Variants in ATP2B2 observed in about 807,000 individuals in gnomAD.
ATP2B2 encodes ATPase plasma membrane Ca2+ transporting 2, also known as plasma membrane calcium-transporting ATPase 2.
In ATP2B2, 15 loss-of-function variants were observed where a neutral mutation model predicts 120.0. The observed-to-expected ratio is 0.12, with a 90% confidence interval of 0.08 to 0.19. The LOEUF is 0.19. Ranked by LOEUF, ATP2B2 falls within the 10% of genes least tolerant of loss-of-function variation. The pLI is 1.00. For synonymous variants in ATP2B2, 694 were observed against 700.3 expected, an observed-to-expected ratio of 0.99 and a Z score of 0.14; for missense variants, 1,045 against 1,719.8, an observed-to-expected ratio of 0.61 and a Z score of 6.94.
chr3:10,577,275 C>T (rs2125554752), intron 2 of ATP2B2, among the ~76,000 whole-genome samples: 1 of 152,240 alleles, frequency 6.6e-6, no homozygotes, highest in Admixed American at 6.5e-5. Context: ...CGCCAAGTTG[C>T]CATAGGGAAT....
intron 1 of ATP2B2, among the ~76,000 whole-genome samples, chr3:10,683,760 G>GTATGTA (rs1553649658): frequency 1.3e-4 from 7 of 53,906 alleles, no homozygotes; most frequent in African/African-American, 3.9e-4. Context: ...GTGTGTGTGT[G>GTATGTA]TATATATATA....
intron 1 of ATP2B2, among the ~76,000 whole-genome samples, chr3:10,627,946 A>G (rs2069751810): frequency 6.6e-6 from 1 of 152,190 alleles, no homozygotes; most frequent in Non-Finnish European, 1.5e-5. Flanking sequence ...ATCCTGGGCC[A>G]GGGTCATCAG....
chr3:10,655,220 G>A (rs929392132), intron 1 of ATP2B2, among the ~76,000 whole-genome samples: 16 of 152,228 alleles, frequency 1.1e-4, no homozygotes, highest in African/African-American at 2.4e-4. Context: ...TCCCTCTGTC[G>A]CTTAACTCTG....
At position 10,622,745 on chromosome 3, in the gene ATP2B2, G is replaced by A. The variant is rs577433774; in HGVS notation, c.-459-2784C>T. ...GAGCATGGCCTGGGGGCCTTGCAGA[G>A]GCTTTAATCAGGATCAGGGCTCAGG... On this transcript the variant is annotated intron_variant, in intron 1 of 21. Coordinates refer to the ATP2B2 transcript ENST00000646379. Among the ~76,000 whole-genome samples, 119 of 152,364 alleles carry A rather than the reference G, an allele frequency of 7.8e-4. 1 individual carries two copies. The highest frequency in any genetic ancestry group is 2.8e-3 in the African/African-American group (118 of 41,586).
At chr3:10,405,308 G>A (rs1299156488) in intron 3 of ATP2B2, among the ~76,000 whole-genome samples, 3 of 152,130 alleles carry the variant, frequency 2.0e-5, no homozygotes, top group Non-Finnish European at 4.4e-5. Context: ...TGCTGCCCTT[G>A]CTGACTCAAT....
At chr3:10,616,067 C>T (rs2069377221) in intron 2 of ATP2B2, among the ~76,000 whole-genome samples, 1 of 152,162 alleles carries the variant, frequency 6.6e-6, no homozygotes, top group East Asian at 1.9e-4. Context: ...CCTCCCTCCC[C>T]CGATCCCACT....
intron 2 of ATP2B2, among the ~76,000 whole-genome samples, chr3:10,440,598 G>T (rs1457129080): frequency 6.6e-6 from 1 of 152,172 alleles, no homozygotes; most frequent in Non-Finnish European, 1.5e-5. Flanking sequence ...AACTGCGTGT[G>T]CTTCCCTCCC....
intron 2 of ATP2B2, among the ~76,000 whole-genome samples, chr3:10,426,661 T>C (rs1424728963): frequency 1.3e-5 from 2 of 152,142 alleles, no homozygotes; most frequent in Non-Finnish European, 2.9e-5. Flanking sequence ...GAACTTTCCA[T>C]TTAGGTGCGC....
At chr3:10,530,956 G>T in intron 3 of ATP2B2, among the ~76,000 whole-genome samples, 1 of 152,196 alleles carries the variant, frequency 6.6e-6, no homozygotes, top group East Asian at 1.9e-4. Context: ...CAGTCTTGGG[G>T]TAAAACATTT....
chr3:10,517,376 G>T (rs2066897651), intron 3 of ATP2B2, among the ~76,000 whole-genome samples: 1 of 152,222 alleles, frequency 6.6e-6, no homozygotes. Context: ...TCTGGGTCCT[G>T]GTCCCAGGGA....
rs1443275332 is a variant in ATP2B2 at position 10,350,104 on chromosome 3, A to T, written c.2404+8T>A. ...CTTCAGGATTGCCCGTGCCCGCCCA[A>T]GTCTTACCTTTAACCAGGGTATGCT... On this transcript the variant is annotated splice_region_variant and intron_variant, in intron 16 of 22. Transcript: ENST00000360273. 1 of 1,613,700 alleles carries T rather than the reference A, an allele frequency of 6.2e-7. No homozygotes were observed. The highest frequency in any genetic ancestry group is 8.5e-7 in the Non-Finnish European group (1 of 1,179,944).
At position 10,659,561 on chromosome 3, in the gene ATP2B2, T is replaced by G. The variant is rs1305078742; in HGVS notation, c.-459-39600A>C. Among the ~76,000 whole-genome samples, 5 of 152,212 alleles carry G rather than the reference T, an allele frequency of 3.3e-5. No individual in the cohort carries two copies. In the South Asian group the frequency reaches 6.2e-4, roughly 19 times the overall value. On this transcript the variant is annotated intron_variant, in intron 1 of 21. Transcript: ENST00000646379. ...AAGAGCTAACTATCCTAAATATATA[T>G]GCACCCAATACAGGAGCACCCAGAT...
chr3:10,394,693 G>C (rs2061975752), intron 5 of ATP2B2: 2 of 390,288 alleles, frequency 5.1e-6, no homozygotes, highest in Non-Finnish European at 1.1e-5. Context: ...CAGGTCCTGG[G>C]ATGTGGGCAG....
chr3:10,361,707 T>C (rs571477909), intron 12 of ATP2B2, among the ~76,000 whole-genome samples: 1 of 152,348 alleles, frequency 6.6e-6, no homozygotes, highest in East Asian at 1.9e-4. Flanking sequence ...CCAGGCAAAC[T>C]TCCTCTTGTC....
At chr3:10,577,828 G>C (rs971649108) in intron 2 of ATP2B2, among the ~76,000 whole-genome samples, 4 of 152,238 alleles carry the variant, frequency 2.6e-5, no homozygotes, top group African/African-American at 7.2e-5. Flanking sequence ...AGAGGAGGAT[G>C]AGCACTGAGC....
chr3:10,507,374 G>A (rs1252037095), upstream of ATP2B2, among the ~76,000 whole-genome samples: 1 of 152,116 alleles, frequency 6.6e-6, no homozygotes, highest in Non-Finnish European at 1.5e-5. Context: ...CACCCCTCTA[G>A]GTGGTCTTCT....
At chr3:10,520,757 CT>C (rs5846668) in intron 3 of ATP2B2, among the ~76,000 whole-genome samples, 10,589 of 145,672 alleles carry the variant, frequency 0.073, 649 homozygotes, top group African/African-American at 0.17. Flanking sequence ...CACCTGGCCT[CT>C]TTTTTTTTTT....
intron 2 of ATP2B2, among the ~76,000 whole-genome samples, chr3:10,444,088 C>CA (rs567260973): frequency 9.7e-4 from 148 of 152,350 alleles, no homozygotes; most frequent in South Asian, 2.7e-3. Flanking sequence ...TCATACCTGA[C>CA]AGAGTCCTGG....
At chr3:10,536,996 T>C (rs950345516) in intron 2 of ATP2B2, among the ~76,000 whole-genome samples, 1 of 152,192 alleles carries the variant, frequency 6.6e-6, no homozygotes, top group African/African-American at 2.4e-5. Context: ...GTTGAAAAGG[T>C]TATCATCTTT....
Sources: gnomAD v4.1 joint callset for allele counts (sites outside exome capture counted in the v4.1 genomes callset) on GRCh38, gnomAD v4.1.1 for gene constraint, MANE v1.5 for transcripts, NCBI Gene and HGNC (gene_info 2026-07-23, HGNC 2026-07-21) for gene names.